The following HS3ST3A1 variants were observed in gnomAD, a reference collection of about 807,000 sequenced individuals.
HS3ST3A1 encodes heparan sulfate glucosamine 3-O-sulfotransferase 3A1.
A neutral mutation model predicts 25.7 loss-of-function variants in HS3ST3A1; 19 were observed. The ratio of observed to expected loss-of-function variants is 0.74; its 90% confidence interval spans 0.52 to 1.08. The LOEUF is 1.08. Among genes scored for constraint, HS3ST3A1 ranks in the 50% least tolerant of loss-of-function variants. The probability of loss-of-function intolerance (pLI) is 0.00; values close to 1 mark genes in which losing one functional copy is unlikely to be tolerated. For synonymous variants in HS3ST3A1, 226 were observed against 278.6 expected, an observed-to-expected ratio of 0.81 and a Z score of 1.88; for missense variants, 459 against 594.3, an observed-to-expected ratio of 0.77 and a Z score of 2.37.
At chr17:13,575,404 G>A (rs530555154) in intron 1 of HS3ST3A1, among the ~76,000 whole-genome samples, 1 of 152,286 alleles carries the variant, frequency 6.6e-6, no homozygotes, top group African/African-American at 2.4e-5. Context: ...TAAGATAAAG[G>A]CAGGGGTATG....
Position 13,600,882 on chromosome 17 carries a change from G to A in HS3ST3A1, c.248C>T (p.Ala83Val). 6.8e-7 allele frequency: 1 copy of A among 1,472,810 alleles called. No homozygotes were observed. 91.2% of individuals were successfully genotyped at this position (1,472,810 alleles called of 1,614,324 possible). A position where few individuals can be genotyped will look rare whatever the true frequency, so the allele number is the denominator to read the frequency against. The part of the protein sequence containing the change: ...GGPRELAVWP[A>V]AAQRKRLLQL... ...CAGGAGGCGCTTTCTCTGTGCCGCC[G>A]CCGGCCACACCGCCAGCTCCCTCGG... Residue 83 changes from alanine (A) to valine (V), a missense_variant, in exon 1 of 2, where the codon GCG becomes GTG. Around this residue, in one of 3 missense-constraint regions of HS3ST3A1, gnomAD observed 346 missense variants for 303.9 expected, o/e 1.14. Transcript: ENST00000284110.
intron 1 of HS3ST3A1, among the ~76,000 whole-genome samples, chr17:13,570,884 A>G (rs1431516278): frequency 1.3e-5 from 2 of 152,196 alleles, no homozygotes; most frequent in East Asian, 3.8e-4. Flanking sequence ...TTTAATCACA[A>G]CAACCCTTTC....
At position 13,526,798 on chromosome 17, in the gene HS3ST3A1, C is replaced by T. The variant is rs182996974; in HGVS notation, c.600-29980G>A. Among the ~76,000 whole-genome samples the T allele has an allele frequency of 3.1e-3, 478 of 152,006 alleles. 4 individuals carry two copies. Among genetic ancestry groups the T allele is most frequent in the African/African-American group, 0.011 (455 of 41,430 alleles). On this transcript the variant is annotated intron_variant, in intron 1 of 1. Transcript: ENST00000284110. Reference sequence around the variant, plus strand: ...GAGTAGCTGGGATTACAGGCATGTGCCACCACGCCCAGCTAATATTTTTTT... The same window carrying T: ...GAGTAGCTGGGATTACAGGCATGTGTCACCACGCCCAGCTAATATTTTTTT...
intron 1 of HS3ST3A1, among the ~76,000 whole-genome samples, chr17:13,565,817 C>G (rs894407822): frequency 5.9e-5 from 9 of 152,274 alleles, no homozygotes; most frequent in African/African-American, 2.2e-4. Context: ...GTAGTTACTT[C>G]TCTCTTTGTT....
intron 1 of HS3ST3A1, among the ~76,000 whole-genome samples, chr17:13,560,092 C>A (rs1322945235): frequency 4.6e-5 from 7 of 151,460 alleles, no homozygotes; most frequent in Non-Finnish European, 8.8e-5. Context: ...GAGTTCAAGA[C>A]CAGCCTGGCC....
At chr17:13,574,519 C>A (rs945574020) in intron 1 of HS3ST3A1, among the ~76,000 whole-genome samples, 6 of 151,604 alleles carry the variant, frequency 4.0e-5, no homozygotes, top group African/African-American at 1.5e-4. Context: ...GAGATCGAGA[C>A]CATCCTGGCT....
chr17:13,520,873 A>C (rs1284339440), intron 1 of HS3ST3A1, among the ~76,000 whole-genome samples: 1 of 152,084 alleles, frequency 6.6e-6, no homozygotes, highest in East Asian at 1.9e-4. Context: ...CGACCTCCCA[A>C]AGTGGTGGGA....
chr17:13,585,999 C>T (rs916913978), intron 1 of HS3ST3A1, among the ~76,000 whole-genome samples: 17 of 151,846 alleles, frequency 1.1e-4, no homozygotes, highest in Admixed American at 1.0e-3. Context: ...CGGGCGCGGA[C>T]TACCAAGCCC....
chr17:13,510,127 A>C (rs1905812894), intron 1 of HS3ST3A1, among the ~76,000 whole-genome samples: 2 of 152,230 alleles, frequency 1.3e-5, no homozygotes, highest in Non-Finnish European at 2.9e-5. Flanking sequence ...CAAAGTGGGG[A>C]GAGCCTGGGC....
At chr17:13,509,512 G>A (rs1905792821) in intron 1 of HS3ST3A1, among the ~76,000 whole-genome samples, 1 of 152,114 alleles carries the variant, frequency 6.6e-6, no homozygotes, top group Non-Finnish European at 1.5e-5. Context: ...GAAATAAAAT[G>A]TAATTAAGTT....
intron 1 of HS3ST3A1, among the ~76,000 whole-genome samples, chr17:13,532,917 AC>A (rs1906652264): frequency 6.6e-6 from 1 of 151,540 alleles, no homozygotes; most frequent in Non-Finnish European, 1.5e-5. Context: ...ACACACACAC[AC>A]ACACACACAT....
chr17:13,579,943 T>TAAAAA (rs66568347), intron 1 of HS3ST3A1, among the ~76,000 whole-genome samples: 79 of 81,710 alleles, frequency 9.7e-4, no homozygotes, highest in East Asian at 1.4e-3. Context: ...TGACTCTGTC[T>TAAAAA]AAAAAAAAAA....
chr17:13,563,826 G>A (rs1340775995), intron 1 of HS3ST3A1, among the ~76,000 whole-genome samples: 1 of 152,074 alleles, frequency 6.6e-6, no homozygotes, highest in Middle Eastern at 3.2e-3. Context: ...CCTGATACAC[G>A]TTTCTGTACT....
chr17:13,543,510 C>T (rs2142347452), intron 1 of HS3ST3A1: 1 of 168,024 alleles, frequency 6.0e-6, no homozygotes, highest in African/African-American at 2.4e-5. Context: ...TTCCAGAAGA[C>T]ATTATGGCTG....
chr17:13,554,169 T>G (rs943463231), intron 1 of HS3ST3A1, among the ~76,000 whole-genome samples: 1 of 152,126 alleles, frequency 6.6e-6, no homozygotes, highest in Non-Finnish European at 1.5e-5. Flanking sequence ...TTCTGAGAGT[T>G]TCTATTGAGT....
intron 1 of HS3ST3A1, among the ~76,000 whole-genome samples, chr17:13,544,308 A>C (rs1907021716): frequency 6.6e-6 from 1 of 152,192 alleles, no homozygotes; most frequent in Non-Finnish European, 1.5e-5. Flanking sequence ...GCCTTAGTGA[A>C]ACTGAACAGA....
At chr17:13,529,148 A>T (rs572913524) in intron 1 of HS3ST3A1, among the ~76,000 whole-genome samples, 1 of 152,188 alleles carries the variant, frequency 6.6e-6, no homozygotes, top group African/African-American at 2.4e-5. Context: ...TTTTACTTCT[A>T]TGTAGGTGGT....
At chr17:13,573,794 T>C (rs925789503) in intron 1 of HS3ST3A1, among the ~76,000 whole-genome samples, 31 of 152,074 alleles carry the variant, frequency 2.0e-4, no homozygotes, top group African/African-American at 2.7e-4. Flanking sequence ...TGCGAGGTGA[T>C]TGGATTTAGA....
At chr17:13,507,069 C>CAAAAAAAAA (rs112172600) in intron 1 of HS3ST3A1, among the ~76,000 whole-genome samples, 1 of 92,094 alleles carries the variant, frequency 1.1e-5, no homozygotes, top group African/African-American at 3.5e-5. Flanking sequence ...ACTCCGTCTC[C>CAAAAAAAAA]AAAAAAAAAA....
Sources: allele counts gnomAD v4.1 joint callset (sites outside exome capture counted in the v4.1 genomes callset), GRCh38; gene constraint gnomAD v4.1.1; regional missense constraint gnomAD v4.1.1; transcripts MANE v1.5; gene names NCBI Gene and HGNC (gene_info 2026-07-23, HGNC 2026-07-21).